The following OR4N2 variants were observed in gnomAD, a reference collection of about 807,000 sequenced individuals.
OR4N2 encodes olfactory receptor family 4 subfamily N member 2.
For synonymous variants in OR4N2, 141 were observed against 140.4 expected (o/e 1.00, Z -0.03); for missense variants, 307 against 377.6 (o/e 0.81, Z 1.55).
At chr14:19,822,907 C>T (rs533173182) in intron 1 of OR4N2, among the ~76,000 whole-genome samples, 1 of 152,354 alleles carries the variant, frequency 6.6e-6, no homozygotes, top group South Asian at 2.1e-4. Context: ...AAGTTAATTG[C>T]TCATTCAAGG....
chr14:19,806,355 G>C (rs1239726584), intron 1 of OR4N2, among the ~76,000 whole-genome samples: 5 of 149,618 alleles, frequency 3.3e-5, no homozygotes, highest in Non-Finnish European at 7.6e-5. Flanking sequence ...AAACCCACAG[G>C]GTCAAAGTAA....
intron 1 of OR4N2, among the ~76,000 whole-genome samples, chr14:19,816,345 T>C (rs1013020021): frequency 1.3e-5 from 2 of 152,272 alleles, no homozygotes; most frequent in African/African-American, 4.8e-5. Context: ...AGAATGTTTT[T>C]CCATTCATTT....
At chr14:19,807,498 A>G (rs1879193957) in intron 1 of OR4N2, among the ~76,000 whole-genome samples, 1 of 152,060 alleles carries the variant, frequency 6.6e-6, no homozygotes, top group South Asian at 2.1e-4. Context: ...GGATAAATTC[A>G]TGGAAACACA....
At chr14:19,818,030 G>T (rs1879471045) in intron 1 of OR4N2, among the ~76,000 whole-genome samples, 1 of 152,236 alleles carries the variant, frequency 6.6e-6, no homozygotes, top group Non-Finnish European at 1.5e-5. Flanking sequence ...GTTCTAATTT[G>T]ATTGCACTGT....
chr14:19,804,877 T>C (rs1404513396), intron 1 of OR4N2, among the ~76,000 whole-genome samples: 1 of 152,236 alleles, frequency 6.6e-6, no homozygotes, highest in East Asian at 1.9e-4. Context: ...TGGGTACTTC[T>C]GTGTTGGATG....
intron 1 of OR4N2, among the ~76,000 whole-genome samples, chr14:19,808,432 T>C (rs575169593): frequency 6.6e-6 from 1 of 152,286 alleles, no homozygotes; most frequent in African/African-American, 2.4e-5. Context: ...TTTCCATACA[T>C]CAATAATGTC....
intron 1 of OR4N2, among the ~76,000 whole-genome samples, chr14:19,809,503 A>G (rs1281185271): frequency 6.6e-6 from 1 of 152,030 alleles, no homozygotes; most frequent in Non-Finnish European, 1.5e-5. Flanking sequence ...CAAAGCAACA[A>G]ACAAACGAAC....
At chr14:19,805,886 C>A (rs1780891) in intron 1 of OR4N2, among the ~76,000 whole-genome samples, 12,506 of 149,772 alleles carry the variant, frequency 0.084, 102 homozygotes, top group East Asian at 0.18. Flanking sequence ...TTCAGCAGAA[C>A]CTTTATAAGC....
chr14:19,805,399 A>G (rs1879138224), intron 1 of OR4N2, among the ~76,000 whole-genome samples: 1 of 152,216 alleles, frequency 6.6e-6, no homozygotes, highest in Non-Finnish European at 1.5e-5. Flanking sequence ...AGAAAGAACC[A>G]AAGTGAAACT....
In OR4N2 at chr14:19,830,249, G is replaced by A. The variant is rs1340155496; in HGVS notation, c.*1877G>A. ...TTTTCCCCTGTCCATGTCACTTCAT[G>A]AGTCTTTGTGTCTCCACATGAATTT... On this transcript the variant is annotated 3_prime_UTR_variant, in exon 2 of 2. Coordinates refer to ENST00000557677, the MANE Select transcript of OR4N2 (RefSeq NM_001004723.3). 6.6e-6 allele frequency: 1 copy of A among 152,240 alleles called. No individual in the cohort carries two copies. Among genetic ancestry groups the A allele is most frequent in the Non-Finnish European group, 1.5e-5 (1 of 68,058 alleles). The allele number at this position is 152,240 out of a possible 1,614,324, so 9.4% of individuals were successfully genotyped here. A position where few individuals can be genotyped will look rare whatever the true frequency, so the allele number is the denominator to read the frequency against.
intron 1 of OR4N2, chr14:19,822,600 C>G (rs751574353): frequency 6.6e-6 from 1 of 152,290 alleles, no homozygotes. Context: ...TCCACAACTT[C>G]TCTCTATTAA....
intron 1 of OR4N2, among the ~76,000 whole-genome samples, chr14:19,811,712 C>T (rs1247162745): frequency 2.6e-5 from 4 of 152,220 alleles, no homozygotes; most frequent in East Asian, 1.9e-4. Flanking sequence ...GATATGATCT[C>T]GCCAAGAGGC....
chr14:19,824,640 C>T (rs978221839), intron 1 of OR4N2, among the ~76,000 whole-genome samples: 32 of 152,348 alleles, frequency 2.1e-4, no homozygotes, highest in African/African-American at 7.0e-4. Flanking sequence ...GAAAAACTAA[C>T]CCTTCCTTTT....
At chr14:19,816,939 A>G (rs1446146309) in intron 1 of OR4N2, among the ~76,000 whole-genome samples, 1 of 152,234 alleles carries the variant, frequency 6.6e-6, no homozygotes, top group African/African-American at 2.4e-5. Context: ...TTCTGCATCT[A>G]TTGAGATAAT....
At chr14:19,820,697 G>A (rs1436984187) in intron 1 of OR4N2, among the ~76,000 whole-genome samples, 11 of 152,250 alleles carry the variant, frequency 7.2e-5, no homozygotes, top group African/African-American at 2.4e-5. Context: ...GCTCTGCCCA[G>A]TTCAAACTTC....
intron 1 of OR4N2, among the ~76,000 whole-genome samples, chr14:19,809,174 A>T (rs1253780927): frequency 6.6e-6 from 1 of 152,154 alleles, no homozygotes; most frequent in Non-Finnish European, 1.5e-5. Flanking sequence ...ATGAAACTTG[A>T]CCCTTATTTT....
At chr14:19,820,682 G>A (rs1196753270) in intron 1 of OR4N2, among the ~76,000 whole-genome samples, 6 of 152,244 alleles carry the variant, frequency 3.9e-5, no homozygotes, top group Non-Finnish European at 8.8e-5. Flanking sequence ...GCTGGGTTGT[G>A]GGGGGCTCTG....
intron 1 of OR4N2, among the ~76,000 whole-genome samples, chr14:19,818,986 C>T (rs1879495545): frequency 6.6e-6 from 1 of 152,246 alleles, no homozygotes; most frequent in African/African-American, 2.4e-5. Context: ...AAATTCTTTT[C>T]TTTAAGAATG....
At chr14:19,804,374 T>A (rs1422239493) in intron 1 of OR4N2, among the ~76,000 whole-genome samples, 6 of 152,252 alleles carry the variant, frequency 3.9e-5, no homozygotes, top group Admixed American at 1.3e-4. Context: ...CTGCTTTATA[T>A]GTGCCCCAGG....
Sources: allele counts gnomAD v4.1 joint callset (sites outside exome capture counted in the v4.1 genomes callset), GRCh38; gene constraint gnomAD v4.1.1; transcripts MANE v1.5; gene names NCBI Gene and HGNC (gene_info 2026-07-23, HGNC 2026-07-21).